The following GALNTL6 variants were observed in gnomAD, a reference collection of about 807,000 sequenced individuals.
GALNTL6 encodes polypeptide N-acetylgalactosaminyltransferase-like 6.
A neutral mutation model predicts 73.7 loss-of-function variants in GALNTL6; 46 were observed. The observed-to-expected ratio is 0.62, with a 90% CI of 0.49 to 0.80. The LOEUF is 0.80. GALNTL6 is among the 30% of genes least tolerant of loss of function. The pLI is 0.00. For missense variants in GALNTL6, 604 were observed against 755.0 expected (o/e 0.80, Z 2.34); for synonymous variants, 259 against 263.7 (o/e 0.98, Z 0.17).
chr4:172,778,384 G>A (rs1419532669), intron 5 of GALNTL6, among the ~76,000 whole-genome samples: 2 of 152,352 alleles, frequency 1.3e-5, no homozygotes, highest in Middle Eastern at 3.4e-3. Context: ...TGTAAATAGG[G>A]ACACAAGATT....
At chr4:172,895,318 T>C (rs1032014996) in intron 8 of GALNTL6, among the ~76,000 whole-genome samples, 9 of 151,138 alleles carry the variant, frequency 6.0e-5, no homozygotes, top group African/African-American at 2.2e-4. Flanking sequence ...GCTCTGATAG[T>C]ATTTTTCATT....
In GALNTL6 at chr4:172,682,608, G is replaced by T. The variant is rs182760596; in HGVS notation, c.554-126753G>T. On this transcript the variant is annotated intron_variant, in intron 5 of 12. Coordinates refer to ENST00000506823, the MANE Select transcript of GALNTL6 (RefSeq NM_001034845.3). ...TCCCAAACATTGTGCTTAAATATTT[G>T]CCAATATTTGCTAAATTTGGCCATC... Among the ~76,000 whole-genome samples the T allele has an allele frequency of 2.6e-5, 4 of 152,156 alleles. No individual in the cohort carries two copies. The East Asian group carries it at 7.7e-4, about 29-fold the overall frequency.
chr4:172,143,704 T>G (rs1487753646), intron 2 of GALNTL6, among the ~76,000 whole-genome samples: 2 of 152,136 alleles, frequency 1.3e-5, no homozygotes, highest in South Asian at 2.1e-4. Context: ...TCATGAAGTC[T>G]TATCTTGTGT....
At chr4:172,630,654 T>C (rs150953982) in intron 5 of GALNTL6, among the ~76,000 whole-genome samples, 3 of 152,018 alleles carry the variant, frequency 2.0e-5, no homozygotes, top group African/African-American at 7.2e-5. Context: ...TTCATACAGC[T>C]TCATTCTGAA....
chr4:172,269,268 T>A (rs1180709873), intron 3 of GALNTL6, among the ~76,000 whole-genome samples: 1 of 152,034 alleles, frequency 6.6e-6, no homozygotes. Context: ...ATAAAAAAAA[T>A]TCTCCTACAC....
intron 3 of GALNTL6, among the ~76,000 whole-genome samples, chr4:172,282,333 C>T (rs1167356699): frequency 6.6e-6 from 1 of 152,160 alleles, no homozygotes; most frequent in African/African-American, 2.4e-5. Flanking sequence ...CAAGATACAA[C>T]CATCCACCCA....
At chr4:171,879,832 AC>A (rs1218086832) in intron 2 of GALNTL6, among the ~76,000 whole-genome samples, 1 of 152,218 alleles carries the variant, frequency 6.6e-6, no homozygotes, top group Non-Finnish European at 1.5e-5. Context: ...CTAGAAGACA[AC>A]AAAGTTTATC....
intron 12 of GALNTL6, among the ~76,000 whole-genome samples, chr4:173,022,372 T>C (rs1225302385): frequency 6.6e-6 from 1 of 152,226 alleles, no homozygotes; most frequent in Non-Finnish European, 1.5e-5. Context: ...TCACAATCAG[T>C]TATGATTGAA....
At chr4:172,533,316 ATTTTT>A (rs34973148) in intron 5 of GALNTL6, among the ~76,000 whole-genome samples, 5 of 77,394 alleles carry the variant, frequency 6.5e-5, no homozygotes, top group African/African-American at 1.7e-4. Context: ...CCCGGCCAGA[ATTTTT>A]TTTTTTTTTT....
At chr4:172,321,291 A>G (rs1383372648) in intron 4 of GALNTL6, among the ~76,000 whole-genome samples, 2 of 152,186 alleles carry the variant, frequency 1.3e-5, no homozygotes, top group South Asian at 2.1e-4. Context: ...AAAAAAATAA[A>G]CAAGCAAATA....
At position 172,680,658 on chromosome 4, in the gene GALNTL6, A is replaced by T. The variant is rs182762340; in HGVS notation, c.554-128703A>T. Among the ~76,000 whole-genome samples, 1,015 of 152,258 alleles carry T rather than the reference A, an allele frequency of 6.7e-3. 8 individuals carry two copies. Among genetic ancestry groups the T allele is most frequent in the African/African-American group, 0.015 (620 of 41,556 alleles). ...TCCTCTAGTTCTATGATCCTATTTT[A>T]AAAAAGCCGTCTTCTTTTCTTCTCC... On this transcript the variant is annotated intron_variant, in intron 5 of 12. Transcript: ENST00000506823.
At chr4:172,054,140 A>G (rs1730954765) in intron 2 of GALNTL6, among the ~76,000 whole-genome samples, 4 of 152,050 alleles carry the variant, frequency 2.6e-5, no homozygotes, top group Admixed American at 2.6e-4. Context: ...GGGATACTTC[A>G]TGAGAAATCT....
chr4:172,207,277 G>A (rs1027713632), intron 2 of GALNTL6, among the ~76,000 whole-genome samples: 1 of 152,072 alleles, frequency 6.6e-6, no homozygotes, highest in East Asian at 1.9e-4. Flanking sequence ...CACAATCTGA[G>A]TTATGTTTTA....
intron 5 of GALNTL6, among the ~76,000 whole-genome samples, chr4:172,782,565 G>A (rs531662983): frequency 1.3e-4 from 20 of 152,032 alleles, no homozygotes; most frequent in African/African-American, 3.9e-4. Flanking sequence ...ACTTCAGATC[G>A]GGGCTTCATC....
chr4:172,108,695 AG>A (rs1020827543), intron 2 of GALNTL6, among the ~76,000 whole-genome samples: 5 of 152,182 alleles, frequency 3.3e-5, no homozygotes, highest in African/African-American at 9.6e-5. Context: ...TACAAGTATC[AG>A]GGGGAAAAGG....
intron 5 of GALNTL6, among the ~76,000 whole-genome samples, chr4:172,540,629 C>T (rs1400526296): frequency 1.3e-5 from 2 of 152,162 alleles, no homozygotes; most frequent in African/African-American, 2.4e-5. Context: ...CAGGCAAAGA[C>T]ATAAATCGAT....
chr4:172,093,883 C>T (rs754958968), intron 2 of GALNTL6, among the ~76,000 whole-genome samples: 12 of 152,070 alleles, frequency 7.9e-5, no homozygotes, highest in Non-Finnish European at 1.5e-4. Context: ...GGTCAGGACT[C>T]CCACTGATTC....
In GALNTL6 at chr4:171,986,037, C is replaced by CAAAAA. The variant is rs10686994; in HGVS notation, c.138+171335_138+171339dup. ...TGAGTGACAGAGCCAGACTCTGTCT[C>CAAAAA]AAAAAAAAAAAAAAAAAAAACACTT... is the stretch of plus-strand genomic sequence containing the variant. On this transcript the variant is annotated intron_variant, in intron 2 of 12. Coordinates refer to ENST00000506823, the MANE Select transcript of GALNTL6 (RefSeq NM_001034845.3). Among the ~76,000 whole-genome samples, 55 of 81,680 alleles carry CAAAAA rather than the reference C, an allele frequency of 6.7e-4. 1 individual carries two copies. The highest frequency in any genetic ancestry group is 2.4e-3 in the South Asian group (4 of 1,686). The allele number at this position is 81,680 out of a possible 152,430, so 53.6% of individuals were successfully genotyped here. A position where few individuals can be genotyped will look rare whatever the true frequency, so the allele number is the denominator to read the frequency against.
intron 5 of GALNTL6, among the ~76,000 whole-genome samples, chr4:172,549,355 A>G (rs1196037504): frequency 6.6e-6 from 1 of 152,208 alleles, no homozygotes; most frequent in Non-Finnish European, 1.5e-5. Context: ...AAAGCAGTTT[A>G]AACTTCCTAA....
Sources: allele counts gnomAD v4.1 joint callset (sites outside exome capture counted in the v4.1 genomes callset), GRCh38; gene constraint gnomAD v4.1.1; transcripts MANE v1.5; gene names NCBI Gene and HGNC (gene_info 2026-07-23, HGNC 2026-07-21).